Variants in KIAA1549L observed in about 807,000 individuals in gnomAD.
The protein encoded by KIAA1549L is UPF0606 protein KIAA1549L.
KIAA1549L carries 88 observed loss-of-function variants against 160.7 expected under a neutral mutation model. The ratio of observed to expected loss-of-function variants is 0.55; its 90% CI spans 0.46 to 0.65. KIAA1549L has a LOEUF of 0.65. Among genes scored for constraint, KIAA1549L ranks in the 30% least tolerant of loss-of-function variants. The pLI, the probability that KIAA1549L is intolerant of heterozygous loss-of-function variation, is 0.00. For missense variants in KIAA1549L, 2,258 were observed against 2,437.5 expected (o/e 0.93, Z 1.55); for synonymous variants, 950 against 976.7 (o/e 0.97, Z 0.51).
At chr11:33,596,441 A>G (rs1003773624) in intron 12 of KIAA1549L, among the ~76,000 whole-genome samples, 1 of 152,204 alleles carries the variant, frequency 6.6e-6, no homozygotes, top group Non-Finnish European at 1.5e-5. Context: ...TGAAAATGCT[A>G]CAAAAACCAT....
Position 33,543,426 on chromosome 11 carries a change from T to G in KIAA1549L, c.1863T>G (p.Pro621=). 1.2e-6 allele frequency: 2 copies of G among 1,614,046 alleles called. No homozygotes were observed. The highest frequency in any genetic ancestry group is 1.7e-6 in the Non-Finnish European group (2 of 1,179,892). ...IITAPRTNPL[P]SGPPLPSILS... ...CAGCACCAAGGACGAATCCCCTTCCTTCAGGACCACCTCTACCTTCCATAC... is the reference window on the plus strand; with the variant it reads ...CAGCACCAAGGACGAATCCCCTTCCGTCAGGACCACCTCTACCTTCCATAC... The change falls in exon 2 of 21, where the codon CCT becomes CCG. Residue 621 remains proline, a synonymous_variant. Coordinates refer to ENST00000658780, the MANE Select transcript of KIAA1549L (RefSeq NM_012194.3).
In KIAA1549L at chr11:33,500,426, A is replaced by T. The variant is rs189606660; in HGVS notation, c.239-41376A>T. On this transcript the variant is annotated intron_variant, in intron 1 of 20. Coordinates refer to ENST00000658780, the MANE Select transcript of KIAA1549L (RefSeq NM_012194.3). The stretch of plus-strand genomic sequence containing the variant: ...GAGAAGTCAAGTTCATTCAGCATTA[A>T]TAAAGCAAGCAAGCCAAAAAACCAA... 8.3e-4 allele frequency among the ~76,000 whole-genome samples: 127 copies of T among 152,356 alleles called. 1 individual carries two copies. The East Asian group carries it at 9.8e-3, about 12-fold the overall frequency.
intron 12 of KIAA1549L, among the ~76,000 whole-genome samples, chr11:33,592,816 A>G (rs1466543116): frequency 6.6e-6 from 1 of 152,222 alleles, no homozygotes; most frequent in African/African-American, 2.4e-5. Flanking sequence ...GACTTTTTTG[A>G]TAAAGTGACA....
In KIAA1549L at chr11:33,616,692, T is replaced by G. The variant is rs147020160; in HGVS notation, c.5280-1841T>G. Reference sequence around the variant, plus strand: ...CTGCCTCTCCTAGACTATGTATGATTGTAATTCTGTGACTAACTTACTGTG... The same window carrying G: ...CTGCCTCTCCTAGACTATGTATGATGGTAATTCTGTGACTAACTTACTGTG... On this transcript the variant is annotated intron_variant, in intron 15 of 20. Coordinates refer to ENST00000658780, the MANE Select transcript of KIAA1549L (RefSeq NM_012194.3). 1.4e-3 allele frequency among the ~76,000 whole-genome samples: 217 copies of G among 152,316 alleles called. 1 individual carries two copies. The highest frequency in any genetic ancestry group is 4.7e-3 in the African/African-American group (197 of 41,574).
chr11:33,438,451 A>C (rs1851424432), intron 1 of KIAA1549L, among the ~76,000 whole-genome samples: 1 of 152,208 alleles, frequency 6.6e-6, no homozygotes, highest in African/African-American at 2.4e-5. Context: ...GCTTTGGGGT[A>C]TGGAAGCCAA....
intron 15 of KIAA1549L, among the ~76,000 whole-genome samples, chr11:33,617,225 TGA>T (rs1209348675): frequency 3.3e-5 from 5 of 151,134 alleles, no homozygotes; most frequent in Non-Finnish European, 7.4e-5. Context: ...TATAGCTGGG[TGA>T]GAAGGAAGTG....
chr11:33,660,918 C>T lies in KIAA1549L; in HGVS notation c.6063C>T (p.Thr2021=), dbSNP rs764488480. Residue 2021 remains threonine, a synonymous_variant, in exon 20 of 21, where the codon ACC becomes ACT. Transcript: ENST00000658780. The part of the protein sequence containing the change: ...AIPAANRPGF[T]GYFIPTPPSS... Reference sequence around the variant, plus strand: ...CAGCTGCCAACAGACCTGGCTTCACCGGCTACTTCATCCCAACGCCTCCCT... The same window carrying T: ...CAGCTGCCAACAGACCTGGCTTCACTGGCTACTTCATCCCAACGCCTCCCT... 4.5e-5 allele frequency: 72 copies of T among 1,613,614 alleles called. No homozygotes were observed. Among genetic ancestry groups the T allele is most frequent in the South Asian group, 2.2e-4 (20 of 90,984 alleles).
intron 1 of KIAA1549L, among the ~76,000 whole-genome samples, chr11:33,515,563 G>A (rs558918701): frequency 3.9e-5 from 6 of 152,246 alleles, no homozygotes; most frequent in Non-Finnish European, 8.8e-5. Flanking sequence ...GTTTCCCCAC[G>A]TGGGTGGTGA....
chr11:33,623,678 G>T (rs1227763201), intron 16 of KIAA1549L, among the ~76,000 whole-genome samples: 1 of 152,140 alleles, frequency 6.6e-6, no homozygotes, highest in African/African-American at 2.4e-5. Context: ...CCCCAGTGAT[G>T]GAGGCCACTT....
chr11:33,434,264 G>T (rs1278156055), intron 1 of KIAA1549L, among the ~76,000 whole-genome samples: 2 of 152,116 alleles, frequency 1.3e-5, no homozygotes, highest in Non-Finnish European at 2.9e-5. Flanking sequence ...CATGAGATCT[G>T]ATGGTTTTAT....
chr11:33,418,496 G>C (rs903351050), intron 1 of KIAA1549L, among the ~76,000 whole-genome samples: 1 of 152,194 alleles, frequency 6.6e-6, no homozygotes, highest in Non-Finnish European at 1.5e-5. Context: ...TCTGTGTGAA[G>C]CAGGTTCACT....
chr11:33,420,699 C>A (rs1850993488), intron 1 of KIAA1549L, among the ~76,000 whole-genome samples: 2 of 152,126 alleles, frequency 1.3e-5, no homozygotes, highest in South Asian at 4.1e-4. Flanking sequence ...AGCTGAATGG[C>A]CATGGTTAAT....
Position 33,559,858 on chromosome 11 carries a change from C to G in KIAA1549L, c.3965C>G (p.Ser1322Trp). 6.2e-7 allele frequency: 1 copy of G among 1,613,878 alleles called. No homozygotes were observed. The highest frequency in any genetic ancestry group is 8.5e-7 in the Non-Finnish European group (1 of 1,179,772). The change falls in exon 7 of 21, where the codon TCG (serine) becomes TGG (tryptophan). Residue 1322 changes from serine (S) to tryptophan (W), a missense_variant. Physicochemically the swap from Ser to Trp is radical, Grantham distance 177 (BLOSUM62 -3). This residue lies in a region of KIAA1549L where 1,359 missense variants were observed against 1,546.6 expected (regional missense o/e 0.88). Transcript: ENST00000658780. ...TVASSLLSQL[S>W]AELVGFYLTY... ...GCCAGCAGCCTCCTCAGCCAGCTCTCGGCTGAGCTGGTGGGATTCTACCTC... is the reference window on the plus strand; with the variant it reads ...GCCAGCAGCCTCCTCAGCCAGCTCTGGGCTGAGCTGGTGGGATTCTACCTC...
intron 10 of KIAA1549L, among the ~76,000 whole-genome samples, chr11:33,576,779 T>C (rs1246783021): frequency 1.3e-5 from 2 of 152,076 alleles, no homozygotes; most frequent in Non-Finnish European, 2.9e-5. Context: ...GTGGTGCCAT[T>C]TGTTGAGATG....
chr11:33,393,301 C>T (rs1386471560), intron 1 of KIAA1549L, among the ~76,000 whole-genome samples: 1 of 152,206 alleles, frequency 6.6e-6, no homozygotes, highest in Non-Finnish European at 1.5e-5. Flanking sequence ...CTGCAGGCAG[C>T]CTTCCCTGGC....
At chr11:33,574,908 T>C in intron 10 of KIAA1549L, 35 bp downstream of exon 10, 2 of 1,550,982 alleles carry the variant, frequency 1.3e-6, no homozygotes, top group South Asian at 1.1e-5. Context: ...GTCTTTTTAA[T>C]GCCATTAAAT....
In KIAA1549L at chr11:33,638,120, CAT is replaced by C. The variant is rs201763418; in HGVS notation, c.5410-7563_5410-7562del. 6.6e-5 allele frequency among the ~76,000 whole-genome samples: 10 copies of C among 152,262 alleles called. No individual in the cohort carries two copies. In the East Asian group the frequency reaches 1.9e-3, roughly 29 times the overall value. On this transcript the variant is annotated intron_variant, in intron 16 of 20. Coordinates refer to ENST00000658780, the MANE Select transcript of KIAA1549L (RefSeq NM_012194.3). ...GTTTCTTTTAGTATGGGAAAATTGA[CAT>C]ATGGTAAAAATGTACAGGTTGTTAG...
At chr11:33,388,914 A>G (rs1193105428) in intron 1 of KIAA1549L, among the ~76,000 whole-genome samples, 1 of 152,220 alleles carries the variant, frequency 6.6e-6, no homozygotes, top group Non-Finnish European at 1.5e-5. Context: ...CTAGATATAA[A>G]TAAGGCCAAG....
intron 1 of KIAA1549L, among the ~76,000 whole-genome samples, chr11:33,459,942 C>T (rs1363449041): frequency 8.7e-6 from 1 of 114,764 alleles, no homozygotes; most frequent in Non-Finnish European, 1.7e-5. Context: ...GCCTGGGCGA[C>T]AGAGCGAGAC....
Sources: gnomAD v4.1 joint callset for allele counts (sites outside exome capture counted in the v4.1 genomes callset) on GRCh38, gnomAD v4.1.1 for gene constraint, gnomAD v4.1.1 regional missense constraint, MANE v1.5 for transcripts, NCBI Gene and HGNC (gene_info 2026-07-23, HGNC 2026-07-21) for gene names.